Variants in DNA2 observed in about 807,000 individuals in gnomAD.
DNA2 encodes the protein DNA replication helicase/nuclease 2, also known as DNA replication ATP-dependent helicase/nuclease DNA2.
A neutral mutation model predicts 119.1 loss-of-function variants in DNA2; 101 were observed. That is an observed-to-expected ratio of 0.85 (90% CI 0.72 to 1.00). The LOEUF is 1.00. Among genes scored for constraint, DNA2 ranks in the 50% least tolerant of loss-of-function variants. The pLI, the probability that DNA2 is intolerant of heterozygous loss-of-function variation, is 0.00. For synonymous variants in DNA2, 366 were observed against 424.4 expected, an observed-to-expected ratio of 0.86 and a Z score of 1.69; for missense variants, 1,121 against 1,255.5, an observed-to-expected ratio of 0.89 and a Z score of 1.62.
chr10:68,458,439 A>G (rs1341648398), intron 5 of DNA2, among the ~76,000 whole-genome samples: 1 of 141,272 alleles, frequency 7.1e-6, no homozygotes, highest in Non-Finnish European at 1.5e-5. Context: ...AGGCTGAGGC[A>G]GAATAATTGC....
intron 6 of DNA2, among the ~76,000 whole-genome samples, chr10:68,449,809 A>G (rs1224613386): frequency 6.6e-6 from 1 of 150,826 alleles, no homozygotes; most frequent in African/African-American, 2.4e-5. Context: ...GCTACTCAGG[A>G]GGCTGAGGCA....
chr10:68,463,327 C>T (rs1461096185), intron 4 of DNA2, among the ~76,000 whole-genome samples: 1 of 151,302 alleles, frequency 6.6e-6, no homozygotes, highest in East Asian at 1.9e-4. Flanking sequence ...GCCTGTAGTC[C>T]CAGCTACTCG....
intron 2 of DNA2, 27 bp downstream of exon 2, chr10:68,469,954 C>G (rs368924365): frequency 1.3e-6 from 2 of 1,576,696 alleles, no homozygotes; most frequent in African/African-American, 2.7e-5. Context: ...AGATTCAAAT[C>G]GGTGCTCAAA....
At chr10:68,471,744 T>TTCAAATC in intron 1 of DNA2, 47 bp downstream of exon 1, 1 of 1,523,058 alleles carries the variant, frequency 6.6e-7, no homozygotes, top group Non-Finnish European at 8.8e-7. Context: ...CGCTCCTTCT[T>TTCAAATC]TCAAATCTCC....
At chr10:68,469,945 G>A in intron 2 of DNA2, 36 bp downstream of exon 2, 1 of 1,565,764 alleles carries the variant, frequency 6.4e-7, no homozygotes, top group Non-Finnish European at 8.6e-7. Context: ...GTACCCTTAA[G>A]ATTCAAATCG....
At position 68,445,074 on chromosome 10, in the gene DNA2, T is replaced by G. The variant is rs1194020360; in HGVS notation, c.1067A>C (p.Lys356Thr). 6.3e-7 allele frequency: 1 copy of G among 1,595,106 alleles called. No individual in the cohort carries two copies. The highest frequency in any genetic ancestry group is 8.5e-7 in the Non-Finnish European group (1 of 1,170,794). The change falls in exon 8 of 21, where the codon AAG becomes ACG. Residue 356 changes from lysine (K) to threonine (T), a missense_variant. Coordinates refer to ENST00000358410, the MANE Select transcript of DNA2 (RefSeq NM_001080449.3). ...ANHLDKRELL[K>T]LRNQMAFSLF... is the part of the protein sequence containing the mutation. ...TGAGAATGCCATCTGGTTTCTTAGC[T>G]TTAATAATTCTATGAAAAAAAAGGT...
rs2051563252 is a variant in DNA2 at position 68,414,475 on chromosome 10, A to C, written c.*564T>G. 2.6e-5 allele frequency: 4 copies of C among 152,212 alleles called. No homozygotes were observed. In the South Asian group the frequency reaches 8.3e-4, roughly 31 times the overall value. 9.4% of individuals were successfully genotyped at this position (152,212 alleles called of 1,614,324 possible). On this transcript the variant is annotated 3_prime_UTR_variant, in exon 21 of 21. Coordinates refer to ENST00000358410, the MANE Select transcript of DNA2 (RefSeq NM_001080449.3). ...CTTTTATATCAAAATCTACTCTAGA[A>C]TACTGAAATACTGAATACTGAAAAC...
intron 14 of DNA2, among the ~76,000 whole-genome samples, chr10:68,423,735 A>C (rs2051696847): frequency 6.6e-6 from 1 of 152,136 alleles, no homozygotes; most frequent in African/African-American, 2.4e-5. Flanking sequence ...CACCAACCCC[A>C]CATGTTAGTA....
chr10:68,470,592 C>T (rs141837792), intron 1 of DNA2: 2 of 453,050 alleles, frequency 4.4e-6, no homozygotes, highest in East Asian at 1.4e-4. Flanking sequence ...CCTTCCTGAG[C>T]GACAGAAAAA....
chr10:68,435,577 T>G (rs2051878175), intron 10 of DNA2, among the ~76,000 whole-genome samples: 1 of 152,094 alleles, frequency 6.6e-6, no homozygotes. Context: ...TGCCTCAGCC[T>G]CCCAAGTAGC....
Position 68,432,112 on chromosome 10 carries a change from G to A in DNA2, c.1873+94C>T, listed in dbSNP as rs1046351526. On this transcript the variant is annotated intron_variant, in intron 12 of 20. Transcript: ENST00000358410. ...TCCAAAGAGTCTTGGTCTAAACATT[G>A]TAGTTGCAAGTCTAATCAAGATATT... is the stretch of plus-strand genomic sequence containing the variant. The A allele has an allele frequency of 4.5e-6, 5 of 1,111,728 alleles. No homozygotes were observed. In the African/African-American group the frequency reaches 6.3e-5, roughly 14 times the overall value. 68.9% of individuals were successfully genotyped at this position (1,111,728 alleles called of 1,614,324 possible).
intron 5 of DNA2, among the ~76,000 whole-genome samples, chr10:68,451,816 C>A (rs1328723336): frequency 6.6e-6 from 1 of 150,628 alleles, no homozygotes; most frequent in African/African-American, 2.4e-5. Context: ...GTCTCAAATT[C>A]CTGACCTCAA....
intron 5 of DNA2, among the ~76,000 whole-genome samples, chr10:68,457,089 G>A (rs559905432): frequency 2.4e-4 from 36 of 150,720 alleles, no homozygotes; most frequent in African/African-American, 8.1e-4. Flanking sequence ...AGCCAAGATC[G>A]CGCCACTGCA....
chr10:68,447,840 C>T (rs2052062072), intron 6 of DNA2, among the ~76,000 whole-genome samples: 2 of 151,698 alleles, frequency 1.3e-5, no homozygotes, highest in Admixed American at 1.3e-4. Flanking sequence ...AAAAATTAGC[C>T]GGGCGTGGTG....
chr10:68,471,658 G>C (rs942002311), intron 1 of DNA2, 133 bp downstream of exon 1: 48 of 1,111,090 alleles, frequency 4.3e-5, no homozygotes, highest in Non-Finnish European at 5.6e-5. Context: ...GAGGCTCGTC[G>C]GGTGCCCAGG....
At chr10:68,444,883 C>G (rs756099585) in intron 8 of DNA2, 38 bp downstream of exon 8, 1 of 1,562,444 alleles carries the variant, frequency 6.4e-7, no homozygotes, top group African/African-American at 1.4e-5. Flanking sequence ...TGAGTTCATA[C>G]TCAACTAGAA....
intron 19 of DNA2, among the ~76,000 whole-genome samples, 164 bp from the exon 20 acceptor site, chr10:68,417,019 G>A (rs2051597637): frequency 1.3e-5 from 2 of 152,150 alleles, no homozygotes; most frequent in Admixed American, 1.3e-4. Context: ...CGAGGCAGGT[G>A]GATCACTGGA....
Position 68,419,108 on chromosome 10 carries a change from T to G in DNA2, c.2893A>C (p.Thr965Pro). The change falls in exon 19 of 21, where the codon ACA becomes CCA. Residue 965 changes from threonine (T) to proline (P), a missense_variant. Physicochemically the swap from Thr to Pro is conservative, Grantham distance 38. Coordinates refer to ENST00000358410, the MANE Select transcript of DNA2 (RefSeq NM_001080449.3). ...TCCCTTCCTTGGTATTTGTCTACTGTATTAACTTCGACCATCCCAATAGAA... is the reference window on the plus strand; with the variant it reads ...TCCCTTCCTTGGTATTTGTCTACTGGATTAACTTCGACCATCCCAATAGAA... Reference protein sequence around the residue: ...ARSIGMVEVNTVDKYQGRDKS... With the variant: ...ARSIGMVEVNPVDKYQGRDKS... 1 of 1,613,550 alleles carries G rather than the reference T, an allele frequency of 6.2e-7. No individual in the cohort carries two copies. The highest frequency in any genetic ancestry group is 8.5e-7 in the Non-Finnish European group (1 of 1,179,650).
Position 68,431,741 on chromosome 10 carries a change from C to T in DNA2, c.1983+121G>A, listed in dbSNP as rs1328785526. The T allele has an allele frequency of 1.7e-5, 11 of 637,438 alleles. No individual in the cohort carries two copies. In the South Asian group the frequency reaches 2.6e-4, roughly 15 times the overall value. 39.5% of individuals were successfully genotyped at this position (637,438 alleles called of 1,614,324 possible). ...CTATTTCTCATCATTCTAAAAAGTT[C>T]ATTTGAAACAAAGACACTGAATTAA... is the stretch of plus-strand genomic sequence containing the variant. On this transcript the variant is annotated intron_variant, in intron 13 of 20. Transcript: ENST00000358410.
Sources: allele counts gnomAD v4.1 joint callset (sites outside exome capture counted in the v4.1 genomes callset), GRCh38; gene constraint gnomAD v4.1.1; transcripts MANE v1.5; gene names NCBI Gene and HGNC (gene_info 2026-07-23, HGNC 2026-07-21).